FER1L5: variants seen among roughly 807,000 people sequenced by gnomAD.
FER1L5 encodes the protein fer-1-like protein 5.
Under a neutral mutation model 279.9 loss-of-function variants are expected in FER1L5, and 187 were observed. That is an observed-to-expected ratio of 0.67 (90% CI 0.59 to 0.75). FER1L5 has a LOEUF of 0.75. Ranked by LOEUF, FER1L5 falls within the 30% of genes least tolerant of loss-of-function variation. FER1L5 has a pLI of 0.00. For synonymous variants in FER1L5, 921 were observed against 989.7 expected, an observed-to-expected ratio of 0.93 and a Z score of 1.30; for missense variants, 2,091 against 2,594.4, an observed-to-expected ratio of 0.81 and a Z score of 4.21.
intron 26 of FER1L5, among the ~76,000 whole-genome samples, chr2:96,690,095 ATCT>A (rs1003826990): frequency 1.1e-4 from 17 of 152,180 alleles, no homozygotes; most frequent in Non-Finnish European, 1.8e-4. Flanking sequence ...GATGATGGAA[ATCT>A]TCTATATCTG....
intron 14 of FER1L5, among the ~76,000 whole-genome samples, chr2:96,663,944 G>T (rs1573836943): frequency 6.6e-6 from 1 of 152,042 alleles, no homozygotes; most frequent in East Asian, 1.9e-4. Flanking sequence ...TCGGGAGGGT[G>T]AGGCAGGAGA....
At position 96,694,431 on chromosome 2, in the gene FER1L5, C is replaced by T. The variant is rs371211624; in HGVS notation, c.3708C>T (p.Ser1236=). 5.2e-5 allele frequency: 81 copies of T among 1,548,916 alleles called. No homozygotes were observed. The highest frequency in any genetic ancestry group is 7.9e-5 in the Admixed American group (4 of 50,800). Residue 1236 remains serine (S), a synonymous_variant, in exon 34 of 53, where the codon AGC becomes AGT. Coordinates refer to ENST00000624922, the MANE Select transcript of FER1L5 (RefSeq NM_001293083.2). The surrounding 1 kb of genome is among the most constrained non-coding windows in gnomAD (Gnocchi z 4.6). ...WKNGAYTLPK[S]IQPTIKRMAI... Reference sequence around the variant, plus strand: ...ATGGGGCATACACACTCCCCAAGAGCATCCAGCCCACGATAAAGAGGATGG... The same window carrying T: ...ATGGGGCATACACACTCCCCAAGAGTATCCAGCCCACGATAAAGAGGATGG...
intron 10 of FER1L5, 96 bp downstream of exon 10, chr2:96,660,467 G>T (rs958414819): frequency 5.8e-6 from 6 of 1,040,730 alleles, no homozygotes; most frequent in Non-Finnish European, 8.8e-6. Flanking sequence ...ACACATGGGT[G>T]GAGGGGAGTA....
intron 4 of FER1L5, among the ~76,000 whole-genome samples, chr2:96,649,008 G>T (rs1326836676): frequency 1.3e-5 from 2 of 151,934 alleles, no homozygotes; most frequent in African/African-American, 4.8e-5. Context: ...GGCAGGGTGA[G>T]GGAGGGTGTA....
At chr2:96,692,025 G>GT (rs879207135) in intron 30 of FER1L5, 62 bp downstream of exon 30, 26 of 1,270,572 alleles carry the variant, frequency 2.0e-5, no homozygotes, top group South Asian at 3.9e-5. Flanking sequence ...AGGGCGGGGG[G>GT]GGGGGACAGG....
intron 18 of FER1L5, among the ~76,000 whole-genome samples, 168 bp downstream of exon 18, chr2:96,670,415 G>T (rs2076280580): frequency 6.6e-6 from 1 of 152,166 alleles, no homozygotes; most frequent in Admixed American, 6.5e-5. Flanking sequence ...CCTGCTAGTG[G>T]CTTCATGCTG....
chr2:96,674,388 A>T (rs973009197), intron 19 of FER1L5, among the ~76,000 whole-genome samples: 2 of 151,926 alleles, frequency 1.3e-5, no homozygotes, highest in African/African-American at 4.8e-5. Context: ...ACGCCTGGCT[A>T]ATGTTTTGTA....
rs2075778770 is a variant in FER1L5 at position 96,659,358 on chromosome 2, C to CTTCTTTCT, written c.748-980_748-979insTTTCTTTC. On this transcript the variant is annotated intron_variant, in intron 9 of 52. Coordinates refer to ENST00000624922, the MANE Select transcript of FER1L5 (RefSeq NM_001293083.2). ...CCTTCCTTCCTTCCTTCCTTCCTTC[C>CTTCTTTCT]TTCCTTCTTTCTTTCTTTCTTTCTT... 1.9e-3 allele frequency among the ~76,000 whole-genome samples: 117 copies of CTTCTTTCT among 60,604 alleles called. 15 individuals are homozygous for CTTCTTTCT. Among genetic ancestry groups the CTTCTTTCT allele is most frequent in the Middle Eastern group, 0.011 (1 of 92 alleles). 39.8% of individuals were successfully genotyped at this position (60,604 alleles called of 152,430 possible).
At chr2:96,661,628 C>A in intron 11 of FER1L5, 40 bp from the exon 12 acceptor site, 1 of 1,550,998 alleles carries the variant, frequency 6.4e-7, no homozygotes, top group Non-Finnish European at 8.7e-7. Context: ...CCTGTGACCT[C>A]CCCATTACCT....
rs768532815 is a variant in FER1L5 at position 96,647,123 on chromosome 2, C to G, written c.198C>G (p.Thr66=). Residue 66 remains threonine (T), a synonymous_variant, in exon 3 of 53, where the codon ACC becomes ACG. Transcript: ENST00000624922. ...AAAATGACTCCTTCCTGCAAGTCAC[C>G]CTTCAGGACATGGGCTCACAAAAGA... ...PLENDSFLQV[T]LQDMGSQKKE... 2.6e-6 allele frequency: 4 copies of G among 1,551,674 alleles called. No individual in the cohort carries two copies. Among genetic ancestry groups the G allele is most frequent in the Non-Finnish European group, 3.5e-6 (4 of 1,146,990 alleles).
intron 9 of FER1L5, among the ~76,000 whole-genome samples, chr2:96,659,279 ATTTATCAAGCTTTCC>A (rs1481778980): frequency 2.9e-5 from 4 of 135,934 alleles, no homozygotes; most frequent in African/African-American, 1.1e-4. Context: ...ATGAAGTCCA[ATTTATCAAGCTTTCC>A]TTCCTTCCTT....
At position 96,691,653 on chromosome 2, in the gene FER1L5, ACCTCCCAGAGAAGCCAGGG is replaced by A; in HGVS notation, c.3075+45_3075+63del. 2 of 1,505,660 alleles carry A rather than the reference ACCTCCCAGAGAAGCCAGGG, an allele frequency of 1.3e-6. No individual in the cohort carries two copies. The highest frequency in any genetic ancestry group is 8.9e-7 in the Non-Finnish European group (1 of 1,124,680). The allele number at this position is 1,505,660 out of a possible 1,614,324, so 93.3% of individuals were successfully genotyped here. A position where few individuals can be genotyped will look rare whatever the true frequency, so the allele number is the denominator to read the frequency against. On this transcript the variant is annotated intron_variant, in intron 29 of 52. Coordinates refer to ENST00000624922, the MANE Select transcript of FER1L5 (RefSeq NM_001293083.2). The surrounding 1 kb of genome is among the most constrained non-coding windows in gnomAD (Gnocchi z 6.0). Reference sequence around the variant, plus strand: ...CTGGGTGATGCCTGCCTGTAACCCCACCTCCCAGAGAAGCCAGGGCCTGGCCTGGCTGGGGCGCTGACTG... The same window carrying A: ...CTGGGTGATGCCTGCCTGTAACCCCACCTGGCCTGGCTGGGGCGCTGACTG...
At chr2:96,659,584 C>T (rs912955136) in intron 9 of FER1L5, among the ~76,000 whole-genome samples, 5 of 149,226 alleles carry the variant, frequency 3.4e-5, no homozygotes, top group Non-Finnish European at 7.4e-5. Flanking sequence ...TTCCGCCTCC[C>T]GGGTTCACAC....
In FER1L5 at chr2:96,689,388, G is replaced by T. The variant is rs1431367313; in HGVS notation, c.2525+12G>T. ...GAACCTCAGAGAAGGTAAGGCCAGAGGGGGCAGGCCCCACCAGAGGGGACA... is the reference window on the plus strand; with the variant it reads ...GAACCTCAGAGAAGGTAAGGCCAGATGGGGCAGGCCCCACCAGAGGGGACA... On this transcript the variant is annotated intron_variant, in intron 25 of 52. Coordinates refer to ENST00000624922, the MANE Select transcript of FER1L5 (RefSeq NM_001293083.2). This position sits in a 1 kb window ranked among gnomAD's most constrained non-coding sequence, Gnocchi z 4.6. 12 of 1,548,484 alleles carry T rather than the reference G, an allele frequency of 7.7e-6. No individual in the cohort carries two copies. Among genetic ancestry groups the T allele is most frequent in the Non-Finnish European group, 7.9e-6 (9 of 1,146,276 alleles).
intron 18 of FER1L5, among the ~76,000 whole-genome samples, chr2:96,672,250 G>A (rs1164158032): frequency 6.6e-6 from 1 of 151,962 alleles, no homozygotes; most frequent in Admixed American, 6.6e-5. Flanking sequence ...GGCTAATTTT[G>A]TATTTTTAGT....
chr2:96,647,243 C>T (rs2075173565), intron 3 of FER1L5, 88 bp downstream of exon 3: 1 of 1,380,852 alleles, frequency 7.2e-7, no homozygotes, highest in African/African-American at 1.4e-5. Flanking sequence ...ATAACTCACT[C>T]AGATGAAGGA....
In FER1L5 at chr2:96,694,245, C is replaced by A; in HGVS notation, c.3637-115C>A. On this transcript the variant is annotated intron_variant, in intron 33 of 52. Coordinates refer to ENST00000624922, the MANE Select transcript of FER1L5 (RefSeq NM_001293083.2). This position sits in a 1 kb window ranked among gnomAD's most constrained non-coding sequence, Gnocchi z 4.6. ...CAGCCTCTCCCCTAAGTCCCCCTGC[C>A]AGCCCCTACCCATGGGGCTCTGGGC... 2.3e-6 allele frequency: 3 copies of A among 1,297,954 alleles called. No homozygotes were observed. Among genetic ancestry groups the A allele is most frequent in the Non-Finnish European group, 2.1e-6 (2 of 965,218 alleles). The allele number at this position is 1,297,954 out of a possible 1,614,324, so 80.4% of individuals were successfully genotyped here. A position where few individuals can be genotyped will look rare whatever the true frequency, so the allele number is the denominator to read the frequency against.
At chr2:96,696,197 C>T (rs1348615472) in intron 37 of FER1L5, 120 bp downstream of exon 37, 14 of 1,298,732 alleles carry the variant, frequency 1.1e-5, no homozygotes, top group Admixed American at 4.0e-5. Context: ...AGGCCCACCT[C>T]GCTCTGTAGG....
In FER1L5 at chr2:96,689,574, G is replaced by A; in HGVS notation, c.2526-70G>A. On this transcript the variant is annotated intron_variant, in intron 25 of 52. Transcript: ENST00000624922. The surrounding 1 kb of genome is among the most constrained non-coding windows in gnomAD (Gnocchi z 4.6). ...GGGATGCCAGGTATGGGAACGCTTG[G>A]CCAGCAGAAGACGGCCCTAGGGGCT... is the stretch of plus-strand genomic sequence containing the variant. 1 of 1,467,324 alleles carries A rather than the reference G, an allele frequency of 6.8e-7. No homozygotes were observed. Among genetic ancestry groups the A allele is most frequent in the African/African-American group, 1.4e-5 (1 of 71,428 alleles). 90.9% of individuals were successfully genotyped at this position (1,467,324 alleles called of 1,614,324 possible). A position where few individuals can be genotyped will look rare whatever the true frequency, so the allele number is the denominator to read the frequency against.
Sources: gnomAD v4.1 joint callset for allele counts (sites outside exome capture counted in the v4.1 genomes callset) on GRCh38, gnomAD v4.1.1 for gene constraint, Gnocchi (gnomAD v3.1) non-coding constraint, MANE v1.5 for transcripts, NCBI Gene and HGNC (gene_info 2026-07-23, HGNC 2026-07-21) for gene names.